Variants in ADAM12 observed in about 807,000 individuals in gnomAD.
ADAM12 encodes disintegrin and metalloproteinase domain-containing protein 12.
ADAM12 carries 70 observed loss-of-function variants against 106.4 expected under a neutral mutation model. The ratio of observed to expected loss-of-function variants is 0.66; its 90% CI spans 0.54 to 0.80. The LOEUF (loss-of-function observed/expected upper bound fraction) is 0.80, where lower values mean the gene tolerates loss of function less well. ADAM12 is among the 30% of genes least tolerant of loss of function. The pLI is 0.00. For missense variants in ADAM12, 1,010 were observed against 1,171.9 expected, an observed-to-expected ratio of 0.86 and a Z score of 2.02; for synonymous variants, 420 against 433.5, an observed-to-expected ratio of 0.97 and a Z score of 0.39.
At chr10:126,032,372 A>ATGTC (rs1200850864) in intron 21 of ADAM12, among the ~76,000 whole-genome samples, 10 of 152,348 alleles carry the variant, frequency 6.6e-5, no homozygotes, top group Admixed American at 6.5e-4. Context: ...TCTATATCAT[A>ATGTC]TGTCTTAGAA....
chr10:126,199,342 C>T (rs1389189232), intron 3 of ADAM12, among the ~76,000 whole-genome samples: 2 of 152,100 alleles, frequency 1.3e-5, no homozygotes, highest in Non-Finnish European at 1.5e-5. Context: ...CTGAAATGGC[C>T]GGTGTTCATT....
At chr10:126,111,229 A>AT (rs1232420698) in intron 6 of ADAM12, among the ~76,000 whole-genome samples, 13 of 152,324 alleles carry the variant, frequency 8.5e-5, no homozygotes, top group African/African-American at 2.6e-4. Flanking sequence ...GAAAGGTACA[A>AT]TTTCTCATAT....
chr10:126,384,104 TG>T (rs751281831), intron 1 of ADAM12, among the ~76,000 whole-genome samples: 2 of 152,052 alleles, frequency 1.3e-5, no homozygotes. Context: ...CATGAGACCA[TG>T]AGGAAGTAAG....
At chr10:126,216,021 C>T (rs1317584327) in intron 3 of ADAM12, among the ~76,000 whole-genome samples, 1 of 152,214 alleles carries the variant, frequency 6.6e-6, no homozygotes, top group African/African-American at 2.4e-5. Context: ...TTCCCCAAGT[C>T]ATATGACTGT....
At chr10:126,109,714 A>G in intron 7 of ADAM12, 61 bp downstream of exon 7, 10 of 1,494,456 alleles carry the variant, frequency 6.7e-6, no homozygotes, top group Non-Finnish European at 9.2e-6. Context: ...AACTTGCAAA[A>G]CATGTCCTTT....
intron 11 of ADAM12, among the ~76,000 whole-genome samples, chr10:126,082,178 A>G (rs1955231785): frequency 6.6e-6 from 1 of 152,178 alleles, no homozygotes; most frequent in Admixed American, 6.5e-5. Context: ...CCTGCTACGC[A>G]GCTGTGGTTG....
intron 2 of ADAM12, among the ~76,000 whole-genome samples, chr10:126,315,043 T>TGCAA (rs1352931178): frequency 6.6e-6 from 1 of 152,216 alleles, no homozygotes; most frequent in East Asian, 1.9e-4. Context: ...TCCAAGTCAC[T>TGCAA]GCATTTGAAA....
intron 3 of ADAM12, among the ~76,000 whole-genome samples, chr10:126,189,391 T>C (rs1957456654): frequency 6.6e-6 from 1 of 152,132 alleles, no homozygotes; most frequent in Non-Finnish European, 1.5e-5. Flanking sequence ...GGGGCCAGAA[T>C]GTGAAGGGCT....
At chr10:126,307,962 C>T (rs1960922705) in intron 2 of ADAM12, among the ~76,000 whole-genome samples, 1 of 152,114 alleles carries the variant, frequency 6.6e-6, no homozygotes, top group South Asian at 2.1e-4. Flanking sequence ...ATGGCAGTGC[C>T]ATAAAGGATC....
intron 21 of ADAM12, among the ~76,000 whole-genome samples, chr10:126,020,605 G>T (rs999476986): frequency 2.6e-5 from 4 of 152,170 alleles, no homozygotes; most frequent in African/African-American, 7.2e-5. Context: ...GAGGATTAAA[G>T]AAAATAATGC....
intron 1 of ADAM12, among the ~76,000 whole-genome samples, chr10:126,340,221 T>C (rs1854875659): frequency 6.6e-6 from 1 of 152,192 alleles, no homozygotes; most frequent in Non-Finnish European, 1.5e-5. Context: ...AAGAATGGAT[T>C]GTATAAAGCC....
At chr10:126,347,914 C>T (rs984065755) in intron 1 of ADAM12, among the ~76,000 whole-genome samples, 1 of 152,174 alleles carries the variant, frequency 6.6e-6, no homozygotes, top group African/African-American at 2.4e-5. Context: ...TCTGCTGCTG[C>T]TCAGAAATGG....
At chr10:126,254,090 C>T (rs141590705) in intron 3 of ADAM12, among the ~76,000 whole-genome samples, 7 of 152,342 alleles carry the variant, frequency 4.6e-5, no homozygotes, top group African/African-American at 1.7e-4. Flanking sequence ...CTGGGCAGCA[C>T]TGTCCATCTT....
intron 1 of ADAM12, among the ~76,000 whole-genome samples, chr10:126,332,710 A>T (rs1288884703): frequency 6.6e-6 from 1 of 152,176 alleles, no homozygotes; most frequent in Non-Finnish European, 1.5e-5. Flanking sequence ...GAGGGAGCGC[A>T]AGACTTTCCT....
chr10:126,126,386 C>T (rs1204336751), intron 5 of ADAM12, among the ~76,000 whole-genome samples: 1 of 152,144 alleles, frequency 6.6e-6, no homozygotes, highest in Non-Finnish European at 1.5e-5. Flanking sequence ...TCACTAACAA[C>T]ATTTTATTAA....
intron 21 of ADAM12, among the ~76,000 whole-genome samples, chr10:126,031,951 C>T (rs544774382): frequency 6.6e-6 from 1 of 152,250 alleles, no homozygotes; most frequent in South Asian, 2.1e-4. Flanking sequence ...GGATGAGAAG[C>T]TTGAATTCCA....
intron 3 of ADAM12, among the ~76,000 whole-genome samples, chr10:126,239,754 G>A (rs956756016): frequency 1.3e-5 from 2 of 152,184 alleles, no homozygotes; most frequent in Non-Finnish European, 2.9e-5. Flanking sequence ...ATCTTGTGAG[G>A]TTGAAAGAGA....
rs185854407 is a variant in ADAM12 at position 126,075,176 on chromosome 10, A to G, written c.1146-3522T>C. Among the ~76,000 whole-genome samples the G allele has an allele frequency of 7.1e-4, 108 of 152,310 alleles. 1 individual carries two copies. The highest frequency in any genetic ancestry group is 4.2e-3 in the Admixed American group (65 of 15,298). ...ATTGTTCAAGAACTTACTTTTGATG[A>G]CGAATGGTGATGAGGCTGAGAAGTA... On this transcript the variant is annotated intron_variant, in intron 11 of 22. Coordinates refer to ENST00000448723, the MANE Select transcript of ADAM12 (RefSeq NM_001288973.2).
At chr10:126,259,251 C>A (rs988133536) in intron 3 of ADAM12, among the ~76,000 whole-genome samples, 5 of 151,988 alleles carry the variant, frequency 3.3e-5, no homozygotes, top group African/African-American at 4.8e-5. Context: ...GCTCAGTGCT[C>A]TCAATTTACC....
Sources: allele counts gnomAD v4.1 joint callset (sites outside exome capture counted in the v4.1 genomes callset), GRCh38; gene constraint gnomAD v4.1.1; transcripts MANE v1.5; gene names NCBI Gene and HGNC (gene_info 2026-07-23, HGNC 2026-07-21).